The following SRBD1 variants were observed in gnomAD, a reference collection of about 807,000 sequenced individuals.
The protein encoded by SRBD1 is S1 RNA binding domain 1.
In SRBD1, 88 loss-of-function variants were observed where a neutral mutation model predicts 115.3. The observed-to-expected ratio is 0.76, with a 90% confidence interval of 0.64 to 0.91. The LOEUF (loss-of-function observed/expected upper bound fraction) is 0.91, where lower values mean the gene tolerates loss of function less well. Ranked by LOEUF, SRBD1 falls within the 40% of genes least tolerant of loss-of-function variation. The pLI is 0.00. For missense variants in SRBD1, 1,385 were observed against 1,177.4 expected (o/e 1.18, Z -2.58); for synonymous variants, 509 against 407.7 (o/e 1.25, Z -2.99).
chr2:45,551,353 C>T (rs1484495643), intron 11 of SRBD1, 71 bp from the exon 12 acceptor site: 1 of 1,392,038 alleles, frequency 7.2e-7, no homozygotes, highest in African/African-American at 1.5e-5. Flanking sequence ...GAGCAGAATT[C>T]ATTTTGTACA....
At position 45,605,582 on chromosome 2, in the gene SRBD1, A is replaced by G. The variant is rs1674243348; in HGVS notation, c.1-141T>C. ...ATGTTTATTCACAAGCCCAAACATC[A>G]GTTTCCTCTGCTATGTAGCTGCCAA... On this transcript the variant is annotated intron_variant, in intron 1 of 20. Coordinates refer to ENST00000263736, the MANE Select transcript of SRBD1 (RefSeq NM_018079.5). The G allele has an allele frequency of 6.4e-6, 5 of 778,504 alleles. No individual in the cohort carries two copies. The South Asian group carries it at 6.7e-5, about 10-fold the overall frequency. The allele number at this position is 778,504 out of a possible 1,614,324, so 48.2% of individuals were successfully genotyped here.
chr2:45,551,665 A>C (rs1216456293), intron 11 of SRBD1, among the ~76,000 whole-genome samples: 3 of 152,240 alleles, frequency 2.0e-5, no homozygotes, highest in Non-Finnish European at 2.9e-5. Context: ...CGGACAATGG[A>C]AACAGCATAT....
At chr2:45,401,776 T>G (rs1340252120) in intron 19 of SRBD1, among the ~76,000 whole-genome samples, 2 of 152,192 alleles carry the variant, frequency 1.3e-5, no homozygotes, top group Non-Finnish European at 2.9e-5. Context: ...TTACAACTCA[T>G]GGGCCTTCTG....
intron 16 of SRBD1, among the ~76,000 whole-genome samples, chr2:45,474,675 C>G (rs925071083): frequency 6.6e-6 from 1 of 152,160 alleles, no homozygotes; most frequent in African/African-American, 2.4e-5. Context: ...ACCTCAAGAA[C>G]ATAATGATAC....
At chr2:45,481,060 CAA>C (rs936389786) in intron 15 of SRBD1, among the ~76,000 whole-genome samples, 4 of 152,250 alleles carry the variant, frequency 2.6e-5, no homozygotes, top group South Asian at 2.1e-4. Flanking sequence ...TCTCCACCAG[CAA>C]AAAGACTGTG....
intron 15 of SRBD1, among the ~76,000 whole-genome samples, chr2:45,482,767 G>C (rs1172787810): frequency 4.0e-5 from 6 of 151,868 alleles, no homozygotes; most frequent in Admixed American, 3.9e-4. Flanking sequence ...TTGGGTGATT[G>C]GTTCCAGGAC....
intron 19 of SRBD1, among the ~76,000 whole-genome samples, chr2:45,405,907 G>C (rs960688611): frequency 6.6e-6 from 1 of 152,110 alleles, no homozygotes; most frequent in Non-Finnish European, 1.5e-5. Context: ...TGATGGGTTA[G>C]AAGGTCTAAG....
chr2:45,488,190 G>A (rs975706413), intron 15 of SRBD1, 50 bp downstream of exon 15: 9 of 1,512,926 alleles, frequency 5.9e-6, no homozygotes, highest in Middle Eastern at 3.4e-4. Flanking sequence ...CACACATGCT[G>A]CCCAAAATAT....
At chr2:45,429,596 C>G (rs758258268) in intron 16 of SRBD1, among the ~76,000 whole-genome samples, 1 of 152,134 alleles carries the variant, frequency 6.6e-6, no homozygotes, top group Admixed American at 6.5e-5. Context: ...ATTCAACACC[C>G]CTTCATGCTA....
intron 4 of SRBD1, among the ~76,000 whole-genome samples, chr2:45,594,357 A>C (rs1673825054): frequency 6.6e-6 from 1 of 152,140 alleles, no homozygotes; most frequent in Non-Finnish European, 1.5e-5. Context: ...GATATTACAC[A>C]TGGCTGCTCA....
intron 16 of SRBD1, among the ~76,000 whole-genome samples, chr2:45,428,527 C>G (rs7566407): frequency 0.8 from 121,715 of 151,938 alleles, 49,535 homozygotes; most frequent in African/African-American, 0.93. Flanking sequence ...CCTCCAGCCT[C>G]GGCGACAGAA....
chr2:45,440,905 A>C (rs992304857), intron 16 of SRBD1, among the ~76,000 whole-genome samples: 2 of 152,202 alleles, frequency 1.3e-5, no homozygotes, highest in Admixed American at 1.3e-4. Context: ...TGTCTGTTTG[A>C]GGAGACAGAG....
At chr2:45,561,765 T>G (rs1270624322) in intron 10 of SRBD1, among the ~76,000 whole-genome samples, 1 of 152,230 alleles carries the variant, frequency 6.6e-6, no homozygotes, top group African/African-American at 2.4e-5. Context: ...ATGGTGCTAT[T>G]TTAAAAGGCT....
chr2:45,501,165 T>C (rs1026606092), intron 14 of SRBD1, among the ~76,000 whole-genome samples: 2 of 152,244 alleles, frequency 1.3e-5, no homozygotes, highest in Non-Finnish European at 2.9e-5. Flanking sequence ...TTGATTCTGT[T>C]GATGTGATGT....
intron 9 of SRBD1, among the ~76,000 whole-genome samples, chr2:45,571,535 A>C (rs1001746752): frequency 3.1e-4 from 47 of 149,810 alleles, no homozygotes; most frequent in Non-Finnish European, 6.4e-4. Context: ...AAAAAAAAAA[A>C]AAAAAAACTG....
At chr2:45,453,886 A>C (rs953236897) in intron 16 of SRBD1, among the ~76,000 whole-genome samples, 9 of 152,122 alleles carry the variant, frequency 5.9e-5, no homozygotes, top group African/African-American at 1.9e-4. Flanking sequence ...TCTTCTGATA[A>C]GCAACTTTAG....
At chr2:45,530,282 G>A (rs1372285457) in intron 14 of SRBD1, among the ~76,000 whole-genome samples, 1 of 151,942 alleles carries the variant, frequency 6.6e-6, no homozygotes, top group Non-Finnish European at 1.5e-5. Flanking sequence ...CCTTGACTAG[G>A]TGGACTCTTA....
In SRBD1 at chr2:45,560,767, AT is replaced by A. The variant is rs1354123180; in HGVS notation, c.1409+1885del. Among the ~76,000 whole-genome samples, 9 of 151,984 alleles carry A rather than the reference AT, an allele frequency of 5.9e-5. 1 individual carries two copies. Among genetic ancestry groups the A allele is most frequent in the African/African-American group, 2.2e-4 (9 of 41,414 alleles). ...AGGCATACATTTCCTCTTTCCTTTC[AT>A]TGGAATTTATTTGCTTATTTATAAA... On this transcript the variant is annotated intron_variant, in intron 10 of 20. Transcript: ENST00000263736.
rs1054573812 is a variant in SRBD1 at position 45,414,955 on chromosome 2, C to T, written c.2334-1662G>A. ...CACAGTGTTATATAGTATGTACATA[C>T]ACACACATATAGTGTGTATATAGTA... On this transcript the variant is annotated intron_variant, in intron 18 of 20. Coordinates refer to ENST00000263736, the MANE Select transcript of SRBD1 (RefSeq NM_018079.5). 9.9e-5 allele frequency among the ~76,000 whole-genome samples: 11 copies of T among 110,572 alleles called. 2 individuals are homozygous for T. The highest frequency in any genetic ancestry group is 2.7e-4 in the Admixed American group (3 of 11,276). The allele number at this position is 110,572 out of a possible 152,430, so 72.5% of individuals were successfully genotyped here. A position where few individuals can be genotyped will look rare whatever the true frequency, so the allele number is the denominator to read the frequency against.
Sources: gnomAD v4.1 joint callset for allele counts (sites outside exome capture counted in the v4.1 genomes callset) on GRCh38, gnomAD v4.1.1 for gene constraint, MANE v1.5 for transcripts, NCBI Gene and HGNC (gene_info 2026-07-23, HGNC 2026-07-21) for gene names.